Variants in CACNA2D3 observed in about 807,000 individuals in gnomAD.
CACNA2D3 encodes calcium voltage-gated channel auxiliary subunit alpha2delta 3, also known as voltage-dependent calcium channel subunit alpha-2/delta-3.
Under a neutral mutation model 160.6 loss-of-function variants are expected in CACNA2D3, and 60 were observed. That is an observed-to-expected ratio of 0.37 (90% CI 0.30 to 0.46). The LOEUF (loss-of-function observed/expected upper bound fraction) is 0.46, where lower values mean the gene tolerates loss of function less well. CACNA2D3 is among the 20% of genes least tolerant of loss of function. The pLI is 1.00. For synonymous variants in CACNA2D3, 558 were observed against 492.9 expected (o/e 1.13, Z -1.75); for missense variants, 1,205 against 1,365.0 (o/e 0.88, Z 1.85).
At chr3:54,445,441 T>C (rs550926200) in intron 4 of CACNA2D3, among the ~76,000 whole-genome samples, 1 of 152,320 alleles carries the variant, frequency 6.6e-6, no homozygotes, top group South Asian at 2.1e-4. Flanking sequence ...GCTGTATTAA[T>C]TCATAGATAA....
At chr3:54,453,155 C>A (rs1273919572) in intron 4 of CACNA2D3, among the ~76,000 whole-genome samples, 1 of 152,056 alleles carries the variant, frequency 6.6e-6, no homozygotes, top group Non-Finnish European at 1.5e-5. Flanking sequence ...CCACACCCAG[C>A]TAATTTTTTG....
intron 2 of CACNA2D3, among the ~76,000 whole-genome samples, chr3:54,284,012 A>C (rs1448938798): frequency 2.0e-5 from 3 of 152,214 alleles, no homozygotes; most frequent in Non-Finnish European, 4.4e-5. Context: ...CATTGAGCCG[A>C]GATTGCACCG....
intron 4 of CACNA2D3, among the ~76,000 whole-genome samples, chr3:54,447,386 C>A (rs1249306804): frequency 1.3e-5 from 2 of 152,206 alleles, no homozygotes; most frequent in Non-Finnish European, 2.9e-5. Flanking sequence ...TATTTCAGGA[C>A]TGGTTCAAGC....
chr3:54,588,942 T>C (rs1702811249), intron 9 of CACNA2D3, among the ~76,000 whole-genome samples: 1 of 151,584 alleles, frequency 6.6e-6, no homozygotes, highest in Non-Finnish European at 1.5e-5. Flanking sequence ...AGGTTTAATT[T>C]AATATGTATG....
chr3:54,550,133 T>G (rs561434368), intron 5 of CACNA2D3, among the ~76,000 whole-genome samples: 39 of 152,308 alleles, frequency 2.6e-4, no homozygotes, highest in African/African-American at 9.1e-4. Flanking sequence ...ATAGGTATTT[T>G]TTAAATTCTG....
intron 2 of CACNA2D3, among the ~76,000 whole-genome samples, chr3:54,268,976 A>T (rs1363132059): frequency 6.6e-6 from 1 of 152,072 alleles, no homozygotes; most frequent in Non-Finnish European, 1.5e-5. Flanking sequence ...AAGCCCATGG[A>T]ATGGGTTTTG....
At chr3:54,407,534 C>T (rs1254567727) in intron 4 of CACNA2D3, among the ~76,000 whole-genome samples, 2 of 152,046 alleles carry the variant, frequency 1.3e-5, no homozygotes, top group Non-Finnish European at 2.9e-5. Flanking sequence ...AAATAGTTTC[C>T]AAGGAATCCT....
intron 11 of CACNA2D3, among the ~76,000 whole-genome samples, chr3:54,734,945 A>G (rs567502591): frequency 1.2e-4 from 18 of 152,246 alleles, no homozygotes; most frequent in Non-Finnish European, 2.2e-4. Context: ...CTGCTGAAGC[A>G]GGAGACTGGC....
At chr3:54,400,492 T>G (rs1271660918) in intron 4 of CACNA2D3, among the ~76,000 whole-genome samples, 1 of 152,134 alleles carries the variant, frequency 6.6e-6, no homozygotes, top group Non-Finnish European at 1.5e-5. Context: ...TCTTCTCATC[T>G]AAGACTCACC....
intron 2 of CACNA2D3, among the ~76,000 whole-genome samples, chr3:54,270,564 T>C (rs1469753898): frequency 6.6e-6 from 1 of 152,216 alleles, no homozygotes; most frequent in Non-Finnish European, 1.5e-5. Context: ...ATCAAGTGGC[T>C]TAAAACGACT....
intron 27 of CACNA2D3, among the ~76,000 whole-genome samples, chr3:54,963,115 A>G (rs1056395874): frequency 1.3e-5 from 2 of 152,204 alleles, no homozygotes; most frequent in African/African-American, 4.8e-5. Flanking sequence ...ATAAAGCAAA[A>G]TAAATAAATC....
intron 10 of CACNA2D3, among the ~76,000 whole-genome samples, chr3:54,628,524 C>T (rs1420760445): frequency 6.6e-6 from 1 of 152,166 alleles, no homozygotes; most frequent in Non-Finnish European, 1.5e-5. Flanking sequence ...TTGAACTCAA[C>T]AGCATTTTTC....
At chr3:54,600,342 G>A (rs1441324965) in intron 9 of CACNA2D3, among the ~76,000 whole-genome samples, 2 of 152,202 alleles carry the variant, frequency 1.3e-5, no homozygotes. Flanking sequence ...TTCTGCTTGT[G>A]TAACTGCCTC....
At chr3:54,918,833 G>A in intron 27 of CACNA2D3, 2 of 1,596,764 alleles carry the variant, frequency 1.3e-6, no homozygotes, top group South Asian at 1.1e-5. Flanking sequence ...GGGATCCTAA[G>A]GAGGTCCTTT....
chr3:54,759,128 A>G (rs1331024069), intron 12 of CACNA2D3, among the ~76,000 whole-genome samples: 1 of 152,230 alleles, frequency 6.6e-6, no homozygotes, highest in African/African-American at 2.4e-5. Flanking sequence ...GGAGCTCTGC[A>G]AGGGAATAAG....
chr3:54,603,604 T>A (rs759006635), intron 9 of CACNA2D3, among the ~76,000 whole-genome samples: 7 of 152,216 alleles, frequency 4.6e-5, no homozygotes, highest in Non-Finnish European at 1.0e-4. Flanking sequence ...AGTTGGATGA[T>A]GGCTTCAAGG....
intron 4 of CACNA2D3, among the ~76,000 whole-genome samples, chr3:54,495,802 T>C (rs1701193786): frequency 6.6e-6 from 1 of 152,122 alleles, no homozygotes; most frequent in Admixed American, 6.5e-5. Context: ...GGAAGCTCTG[T>C]TGTGTACCTC....
intron 11 of CACNA2D3, among the ~76,000 whole-genome samples, chr3:54,696,885 T>G (rs1309154243): frequency 6.6e-6 from 1 of 152,230 alleles, no homozygotes; most frequent in East Asian, 1.9e-4. Context: ...GTTTTTTGTT[T>G]GGGGAACCCA....
At position 54,363,196 on chromosome 3, in the gene CACNA2D3, A is replaced by AATATATATATATATATATATATAT. The variant is rs377127378; in HGVS notation, c.322-23507_322-23506insATATATATATATATATATATATAT. ...GCGATAGAGCGAGACTCCATCTCCA[A>AATATATATATATATATATATATAT]ATATATATATATGAGAATGTGCAAC... On this transcript the variant is annotated intron_variant, in intron 3 of 37. Coordinates refer to ENST00000474759, the MANE Select transcript of CACNA2D3 (RefSeq NM_018398.3). Among the ~76,000 whole-genome samples the AATATATATATATATATATATATAT allele has an allele frequency of 3.3e-5, 5 of 151,410 alleles. No individual in the cohort carries two copies. The East Asian group carries it at 6.2e-4, about 19-fold the overall frequency.
Sources: gnomAD v4.1 joint callset for allele counts (sites outside exome capture counted in the v4.1 genomes callset) on GRCh38, gnomAD v4.1.1 for gene constraint, MANE v1.5 for transcripts, NCBI Gene and HGNC (gene_info 2026-07-23, HGNC 2026-07-21) for gene names.